DMP1: variants seen among roughly 807,000 people sequenced by gnomAD.
The protein encoded by DMP1 is dentin matrix protein 1.
A neutral mutation model predicts 14.6 loss-of-function variants in DMP1; 20 were observed. The ratio of observed to expected loss-of-function variants is 1.37; its 90% CI spans 0.96 to 1.99. The LOEUF (loss-of-function observed/expected upper bound fraction) is 1.99. DMP1 is among the 30% of genes most tolerant of loss of function. The pLI, the probability that DMP1 is intolerant of heterozygous loss-of-function variation, is 0.00. For missense variants in DMP1, 567 were observed against 620.5 expected (o/e 0.91, Z 0.92); for synonymous variants, 197 against 215.3 (o/e 0.91, Z 0.75).
rs1295583876 is a variant in DMP1 at position 87,650,380 on chromosome 4, G to A, written c.-26G>A. ...TTTGAAAAAATTCTTTGTGAACTACGGAGGGTAAGTCATTTTCATCATTTA... is the reference window on the plus strand; with the variant it reads ...TTTGAAAAAATTCTTTGTGAACTACAGAGGGTAAGTCATTTTCATCATTTA... On this transcript the variant is annotated 5_prime_UTR_variant, in exon 1 of 6. Transcript: ENST00000339673. 6.6e-6 allele frequency: 1 copy of A among 152,160 alleles called. No individual in the cohort carries two copies. Among genetic ancestry groups the A allele is most frequent in the Non-Finnish European group, 1.5e-5 (1 of 68,036 alleles). The allele number at this position is 152,160 out of a possible 1,614,324, so 9.4% of individuals were successfully genotyped here.
rs761098924 is a variant in DMP1 at position 87,663,111 on chromosome 4, G to A, written c.1333G>A (p.Glu445Lys). The A allele has an allele frequency of 2.3e-5, 37 of 1,614,078 alleles. 1 individual carries two copies. Among genetic ancestry groups the A allele is most frequent in the Middle Eastern group, 1.6e-4 (1 of 6,084 alleles). ...SHSSSAESQS[E>K]ESHSEEDDSD... ...CAGCAGCTCAGCAGAGAGTCAGAGCGAGGAAAGCCATTCTGAGGAAGACGA... is the reference window on the plus strand; with the variant it reads ...CAGCAGCTCAGCAGAGAGTCAGAGCAAGGAAAGCCATTCTGAGGAAGACGA... The change falls in exon 6 of 6, where the codon GAG (glutamate) becomes AAG (lysine). Residue 445 changes from glutamate (E) to lysine (K), a missense_variant. Physicochemically the swap from Glu to Lys is moderately conservative, Grantham distance 56. Coordinates refer to ENST00000339673, the MANE Select transcript of DMP1 (RefSeq NM_004407.4).
At chr4:87,657,738 T>C (rs566208102) in intron 3 of DMP1, among the ~76,000 whole-genome samples, 75 of 152,180 alleles carry the variant, frequency 4.9e-4, no homozygotes, top group Non-Finnish European at 9.8e-4. Flanking sequence ...TCTTAACCAG[T>C]GTGTCATATC....
intron 1 of DMP1, among the ~76,000 whole-genome samples, chr4:87,654,011 A>T (rs1236025840): frequency 6.6e-6 from 1 of 152,206 alleles, no homozygotes; most frequent in Non-Finnish European, 1.5e-5. Flanking sequence ...ATTGGACAAA[A>T]AGGTTTTGAC....
In DMP1 at chr4:87,661,204, ATTTTTTTTTTTTTTTT is replaced by A. The variant is rs70957272; in HGVS notation, c.184-737_184-722del. Among the ~76,000 whole-genome samples the A allele has an allele frequency of 9.5e-3, 630 of 66,654 alleles. 9 individuals are homozygous for A. The highest frequency in any genetic ancestry group is 0.021 in the South Asian group (31 of 1,448). The allele number at this position is 66,654 out of a possible 152,430, so 43.7% of individuals were successfully genotyped here. The stretch of plus-strand genomic sequence containing the variant: ...AGGTTTGTGGCACCACAGCCAGCTA[ATTTTTTTTTTTTTTTT>A]TTTTTTTTTTTTTTTTTTTTGAGAC... On this transcript the variant is annotated intron_variant, in intron 5 of 5. Transcript: ENST00000339673.
rs1304257449 is a variant in DMP1 at position 87,662,204 on chromosome 4, C to T, written c.426C>T (p.Asp142=). 1.2e-6 allele frequency: 2 copies of T among 1,614,058 alleles called. No individual in the cohort carries two copies. Among genetic ancestry groups the T allele is most frequent in the African/African-American group, 2.7e-5 (2 of 74,916 alleles). ...TGGGAAGTGATGAGGACTCTGATGA[C>T]ACCATACAAGCCAGTGAAGAGAGTG... ...SRLGSDEDSD[D]TIQASEESAP... is the part of the protein sequence containing the mutation. The change falls in exon 6 of 6, where the codon GAC becomes GAT. Residue 142 remains aspartate, a synonymous_variant. Transcript: ENST00000339673.
Position 87,662,376 on chromosome 4 carries a change from G to A in DMP1, c.598G>A (p.Gly200Arg), listed in dbSNP as rs1410631451. The change falls in exon 6 of 6, where the codon GGG becomes AGG. Residue 200 changes from glycine (G) to arginine (R), a missense_variant. Gly to Arg is a moderately radical substitution (Grantham distance 125). Transcript: ENST00000339673. ...EEHWVGGGSD[G>R]ESSHGDGSEL... is the part of the protein sequence containing the mutation. ...GCACTGGGTGGGAGGTGGCAGTGATGGGGAGAGCAGCCATGGAGACGGCTC... is the reference window on the plus strand; with the variant it reads ...GCACTGGGTGGGAGGTGGCAGTGATAGGGAGAGCAGCCATGGAGACGGCTC... 1.2e-6 allele frequency: 2 copies of A among 1,614,032 alleles called. No homozygotes were observed. The highest frequency in any genetic ancestry group is 1.7e-6 in the Non-Finnish European group (2 of 1,180,036).
intron 1 of DMP1, 138 bp downstream of exon 1, chr4:87,650,522 C>T (rs1728507560): frequency 6.6e-6 from 1 of 152,056 alleles, no homozygotes; most frequent in South Asian, 2.1e-4. Context: ...AAAACAGTTC[C>T]TATTTTTGTG....
chr4:87,658,975 G>A, intron 3 of DMP1: 1 of 551,902 alleles, frequency 1.8e-6, no homozygotes, highest in South Asian at 2.4e-5. Context: ...ATTTATTTCT[G>A]TAAATGAAAT....
chr4:87,662,116 C>T lies in DMP1; in HGVS notation c.338C>T (p.Thr113Ile), dbSNP rs145164698. 19 of 1,614,170 alleles carry T rather than the reference C, an allele frequency of 1.2e-5. No homozygotes were observed. The African/African-American group carries it at 2.3e-4, about 19-fold the overall frequency. Residue 113 changes from threonine to isoleucine, a missense_variant, in exon 6 of 6, where the codon ACC (threonine) becomes ATC (isoleucine). By Grantham distance (89) the Thr-to-Ile change is moderately conservative (BLOSUM62 -1). Coordinates refer to ENST00000339673, the MANE Select transcript of DMP1 (RefSeq NM_004407.4). Reference sequence around the variant, plus strand: ...GATGAAGATGACAGTGGAGATGACACCTTTGGTGACGATGACAGTGGCCCA... The same window carrying T: ...GATGAAGATGACAGTGGAGATGACATCTTTGGTGACGATGACAGTGGCCCA... ...DDDEDDSGDD[T>I]FGDDDSGPGP...
intron 5 of DMP1, among the ~76,000 whole-genome samples, chr4:87,661,029 GT>G (rs1483263282): frequency 4.8e-5 from 7 of 146,538 alleles, no homozygotes; most frequent in African/African-American, 7.3e-5. Flanking sequence ...TACCTAAGAG[GT>G]TTTTTTGTGT....
At chr4:87,658,705 A>AAT (rs1728770261) in intron 3 of DMP1, 1 of 166,648 alleles carries the variant, frequency 6.0e-6, no homozygotes, top group East Asian at 1.7e-4. Flanking sequence ...TTAATTTATG[A>AAT]ATAAGAAACT....
rs780778179 is a variant in DMP1, at chr4:87,662,553, T to C, written c.775T>C (p.Leu259=). ...ANTQDSGGSQ[L]LEHPSRKIFR... ...CACTCAAGATTCAGGTGGCAGCCAA[T>C]TGCTGGAGCATCCCAGTAGGAAAAT... The change falls in exon 6 of 6, where the codon TTG becomes CTG. Residue 259 remains leucine, a synonymous_variant. Transcript: ENST00000339673. The C allele has an allele frequency of 6.2e-7, 1 of 1,614,092 alleles. No individual in the cohort carries two copies. The highest frequency in any genetic ancestry group is 8.5e-7 in the Non-Finnish European group (1 of 1,180,020).
chr4:87,663,374 A>G lies in DMP1; in HGVS notation c.*54A>G. On this transcript the variant is annotated 3_prime_UTR_variant, in exon 6 of 6. Coordinates refer to ENST00000339673, the MANE Select transcript of DMP1 (RefSeq NM_004407.4). ...CATAAAGGAGTCTTAGGGACTTGAA[A>G]ATGTATCATGATAACTATAATTTAT... is the stretch of plus-strand genomic sequence containing the variant. 1.9e-6 allele frequency: 3 copies of G among 1,612,322 alleles called. No individual in the cohort carries two copies. Among genetic ancestry groups the G allele is most frequent in the Non-Finnish European group, 2.5e-6 (3 of 1,178,678 alleles).
At chr4:87,655,331 CA>C (rs1380487157) in intron 1 of DMP1, among the ~76,000 whole-genome samples, 1 of 152,050 alleles carries the variant, frequency 6.6e-6, no homozygotes, top group Non-Finnish European at 1.5e-5. Flanking sequence ...AAATACAAAA[CA>C]AAGTGTTTTC....
intron 5 of DMP1, chr4:87,660,680 A>G (rs1474054008): frequency 6.6e-6 from 1 of 152,192 alleles, no homozygotes; most frequent in Non-Finnish European, 1.5e-5. Context: ...AGAGCATCCA[A>G]TTGTTTTACT....
chr4:87,651,818 G>A (rs931001233), intron 1 of DMP1, among the ~76,000 whole-genome samples: 1 of 152,056 alleles, frequency 6.6e-6, no homozygotes, highest in Non-Finnish European at 1.5e-5. Context: ...TTAATATGAT[G>A]AATTGTTTTC....
At chr4:87,656,568 T>C (rs1486453313) in intron 2 of DMP1, 22 bp downstream of exon 2, 1 of 1,554,798 alleles carries the variant, frequency 6.4e-7, no homozygotes, top group African/African-American at 1.4e-5. Flanking sequence ...GGTAGGGATA[T>C]ATGAAAAAAC....
chr4:87,663,417 G>C lies in DMP1; in HGVS notation c.*97G>C. 6 of 1,572,566 alleles carry C rather than the reference G, an allele frequency of 3.8e-6. No individual in the cohort carries two copies. The highest frequency in any genetic ancestry group is 5.2e-6 in the Non-Finnish European group (6 of 1,147,644). On this transcript the variant is annotated 3_prime_UTR_variant, in exon 6 of 6. Coordinates refer to ENST00000339673, the MANE Select transcript of DMP1 (RefSeq NM_004407.4). ...TAATTTATTGATGTTTTGATCAAAA[G>C]AATAACCAGATGCCATATTTTTCCT...
chr4:87,663,397 T>C lies in DMP1; in HGVS notation c.*77T>C, dbSNP rs963086141. On this transcript the variant is annotated 3_prime_UTR_variant, in exon 6 of 6. Coordinates refer to ENST00000339673, the MANE Select transcript of DMP1 (RefSeq NM_004407.4). ...AAAATGTATCATGATAACTATAATT[T>C]ATTGATGTTTTGATCAAAAGAATAA... 1.3e-4 allele frequency: 207 copies of C among 1,603,342 alleles called. No individual in the cohort carries two copies. Among genetic ancestry groups the C allele is most frequent in the Non-Finnish European group, 1.7e-4 (197 of 1,172,078 alleles).
Sources: gnomAD v4.1 joint callset for allele counts (sites outside exome capture counted in the v4.1 genomes callset) on GRCh38, gnomAD v4.1.1 for gene constraint, MANE v1.5 for transcripts, NCBI Gene and HGNC (gene_info 2026-07-23, HGNC 2026-07-21) for gene names.